Variants in LRP8 observed in about 807,000 individuals in gnomAD.
The protein encoded by LRP8 is LDL receptor related protein 8, also known as low-density lipoprotein receptor-related protein 8.
Under a neutral mutation model 111.6 loss-of-function variants are expected in LRP8, and 46 were observed. The ratio of observed to expected loss-of-function variants is 0.41; its 90% CI spans 0.33 to 0.53. LRP8 has a LOEUF of 0.53. LRP8 is among the 20% of genes least tolerant of loss of function. LRP8 has a pLI of 0.20. For missense variants in LRP8, 959 were observed against 1,297.4 expected, an observed-to-expected ratio of 0.74 and a Z score of 4.01; for synonymous variants, 464 against 511.2, an observed-to-expected ratio of 0.91 and a Z score of 1.24.
At chr1:53,295,744 T>C (rs959012108) in intron 2 of LRP8, among the ~76,000 whole-genome samples, 6 of 152,186 alleles carry the variant, frequency 3.9e-5, no homozygotes, top group East Asian at 1.9e-4. Context: ...AGTAAAGATA[T>C]CTGATTGACG....
At chr1:53,327,037 C>T (rs759462365) in intron 1 of LRP8, 45 bp from the exon 2 acceptor site, 1 of 1,603,514 alleles carries the variant, frequency 6.2e-7, no homozygotes, top group South Asian at 1.1e-5. Context: ...GACTCGGCCC[C>T]ACTCCCCACC....
rs528398704 is a variant in LRP8, at chr1:53,258,369, G to A, written c.2159C>T (p.Ala720Val). The change falls in exon 14 of 19, where the codon GCC (alanine) becomes GTC (valine). Residue 720 changes from alanine to valine, a missense_variant. Physicochemically the swap from Ala to Val is moderately conservative, Grantham distance 64. Transcript: ENST00000306052. ...ISSHSPKYTC[A>V]CPDTMWLGPD... is the part of the protein sequence containing the mutation. The stretch of plus-strand genomic sequence containing the variant: ...ACCCAGCCACATTGTGTCAGGACAG[G>A]CACATGTGTACTTGGGAGAGTGGCT... 3.7e-6 allele frequency: 6 copies of A among 1,614,122 alleles called. No individual in the cohort carries two copies. Among genetic ancestry groups the A allele is most frequent in the East Asian group, 2.2e-5 (1 of 44,876 alleles).
intron 2 of LRP8, among the ~76,000 whole-genome samples, chr1:53,310,003 T>A (rs866636870): frequency 1.3e-5 from 2 of 152,048 alleles, no homozygotes; most frequent in Non-Finnish European, 2.9e-5. Context: ...ACCCTGCACG[T>A]CTCGGATCAC....
chr1:53,314,263 C>T (rs1653500400), intron 2 of LRP8, among the ~76,000 whole-genome samples: 1 of 150,116 alleles, frequency 6.7e-6, no homozygotes, highest in African/African-American at 2.5e-5. Flanking sequence ...TGCCTCCAGG[C>T]ACGGCATTTC....
intron 13 of LRP8, among the ~76,000 whole-genome samples, chr1:53,258,879 A>G (rs1198981677): frequency 6.6e-6 from 1 of 152,066 alleles, no homozygotes; most frequent in Non-Finnish European, 1.5e-5. Flanking sequence ...GCTCCTGCTT[A>G]TAAGTGAGAG....
chr1:53,322,494 T>C (rs187281230), intron 2 of LRP8, among the ~76,000 whole-genome samples: 161 of 151,586 alleles, frequency 1.1e-3, no homozygotes, highest in Middle Eastern at 6.8e-3. Flanking sequence ...AGGGTGAGAG[T>C]GTGGCAGAAG....
chr1:53,303,491 C>T lies in LRP8; in HGVS notation c.245-13802G>A, dbSNP rs371780616. ...ACTCCTCCCAAGACCCAGTCAGGAA[C>T]AAAACTGCCGCTGAAGAGACTGGAG... On this transcript the variant is annotated intron_variant, in intron 2 of 18. Transcript: ENST00000306052. The surrounding 1 kb of genome is among the most constrained non-coding windows in gnomAD (Gnocchi z 4.3). Among the ~76,000 whole-genome samples, 1 of 152,376 alleles carries T rather than the reference C, an allele frequency of 6.6e-6. No homozygotes were observed. Among genetic ancestry groups the T allele is most frequent in the East Asian group, 1.9e-4 (1 of 5,192 alleles).
Position 53,275,683 on chromosome 1 carries a change from G to A in LRP8, c.954C>T (p.Cys318=). 6.2e-7 allele frequency: 1 copy of A among 1,614,130 alleles called. No individual in the cohort carries two copies. The highest frequency in any genetic ancestry group is 8.5e-7 in the Non-Finnish European group (1 of 1,180,002). Residue 318 remains cysteine (C), a synonymous_variant, in exon 6 of 19, where the codon TGC becomes TGT. Coordinates refer to ENST00000306052, the MANE Select transcript of LRP8 (RefSeq NM_004631.5). The surrounding 1 kb of genome is among the most constrained non-coding windows in gnomAD (Gnocchi z 4.4). ...DGTCVLAIKH[C]NQEQDCPDGS... is the part of the protein sequence containing the mutation. ...CATCTGGACAGTCCTGCTCCTGGTT[G>A]CAGTGCTTGATTGCAAGGACACATG...
At chr1:53,304,593 A>C (rs1651606977) in intron 2 of LRP8, 1 of 152,218 alleles carries the variant, frequency 6.6e-6, no homozygotes, top group South Asian at 2.1e-4. Context: ...TGCGTGAGGG[A>C]CCCTGCTAGA....
rs188048317 is a variant in LRP8 at position 53,304,676 on chromosome 1, C to T, written c.245-14987G>A. 1.7e-3 allele frequency: 265 copies of T among 152,516 alleles called. 1 individual carries two copies. Among genetic ancestry groups the T allele is most frequent in the African/African-American group, 5.7e-3 (236 of 41,580 alleles). 9.4% of individuals were successfully genotyped at this position (152,516 alleles called of 1,614,324 possible). On this transcript the variant is annotated intron_variant, in intron 2 of 18. Transcript: ENST00000306052. ...CTCCAGGTGTTGGTTCTGGCAGGGC[C>T]GGGGTTCAGGGCTCTGGCCGGGACC...
intron 3 of LRP8, 186 bp downstream of exon 3, chr1:53,289,381 G>C: frequency 1.4e-6 from 1 of 734,604 alleles, no homozygotes; most frequent in Non-Finnish European, 2.0e-6. Flanking sequence ...CAAGAGGGCT[G>C]TGAAGAAAGT....
intron 3 of LRP8, chr1:53,288,312 A>G (rs971047105): frequency 1.2e-4 from 19 of 152,400 alleles, no homozygotes; most frequent in African/African-American, 4.1e-4. Flanking sequence ...GGTTGCCAAG[A>G]GGATGAAAGT....
At chr1:53,289,718 G>C in intron 2 of LRP8, 29 bp from the exon 3 acceptor site, 1 of 1,612,150 alleles carries the variant, frequency 6.2e-7, no homozygotes, top group Non-Finnish European at 8.5e-7. Context: ...AGCGTGGTGA[G>C]CCTGGGAGCA....
At position 53,328,028 on chromosome 1, in the gene LRP8, G is replaced by A; in HGVS notation, c.-116C>T. On this transcript the variant is annotated 5_prime_UTR_variant, in exon 1 of 19. Transcript: ENST00000306052. ...GGTTGCCGCTGCCCCCGCCGCCGCC[G>A]CCGCCGCCGCTGCCGCCCGCCCCGG... 3.8e-6 allele frequency: 2 copies of A among 531,440 alleles called. No individual in the cohort carries two copies. The highest frequency in any genetic ancestry group is 4.8e-6 in the Non-Finnish European group (2 of 417,582). The allele number at this position is 531,440 out of a possible 1,614,324, so 32.9% of individuals were successfully genotyped here.
chr1:53,257,846 C>T (rs1008823555), intron 14 of LRP8, among the ~76,000 whole-genome samples: 2 of 152,170 alleles, frequency 1.3e-5, no homozygotes, highest in Non-Finnish European at 2.9e-5. Context: ...TAGACTTAGG[C>T]TCAAATGAAA....
At chr1:53,276,613 A>G in intron 5 of LRP8, 79 bp downstream of exon 5, 1 of 1,206,888 alleles carries the variant, frequency 8.3e-7, no homozygotes, top group Non-Finnish European at 1.1e-6. Flanking sequence ...AATGAAAGGA[A>G]GCCTGCACCT....
chr1:53,299,514 T>C (rs1650403243), intron 2 of LRP8, among the ~76,000 whole-genome samples: 1 of 152,226 alleles, frequency 6.6e-6, no homozygotes. Context: ...TGCTGGGCTC[T>C]GGGCTCCTCA....
chr1:53,263,864 T>C (rs6588473), intron 10 of LRP8, among the ~76,000 whole-genome samples: 117,699 of 152,114 alleles, frequency 0.77, 46,581 homozygotes, highest in African/African-American at 0.94. Flanking sequence ...TGTCAGATGC[T>C]CACCTACAGC....
Position 53,262,247 on chromosome 1 carries a change from C to T in LRP8, c.1775-40G>A. ...AGGATCAGGTCATGAACCTGGGACCCCAGTCTGGAGCTCTGTTCCTTTGTA... is the reference window on the plus strand; with the variant it reads ...AGGATCAGGTCATGAACCTGGGACCTCAGTCTGGAGCTCTGTTCCTTTGTA... On this transcript the variant is annotated intron_variant, in intron 11 of 18. Transcript: ENST00000306052. This position sits in a 1 kb window ranked among gnomAD's most constrained non-coding sequence, Gnocchi z 4.8. The T allele has an allele frequency of 6.2e-7, 1 of 1,610,492 alleles. No homozygotes were observed. The highest frequency in any genetic ancestry group is 8.5e-7 in the Non-Finnish European group (1 of 1,178,818).
Sources: gnomAD v4.1 joint callset for allele counts (sites outside exome capture counted in the v4.1 genomes callset) on GRCh38, gnomAD v4.1.1 for gene constraint, Gnocchi (gnomAD v3.1) non-coding constraint, MANE v1.5 for transcripts, NCBI Gene and HGNC (gene_info 2026-07-23, HGNC 2026-07-21) for gene names.